Variants in DPT observed in about 807,000 individuals in gnomAD.
The protein encoded by DPT is dermatopontin.
In DPT, 21 loss-of-function variants were observed where a neutral mutation model predicts 31.2. The ratio of observed to expected loss-of-function variants is 0.67; its 90% CI spans 0.48 to 0.97. DPT has a LOEUF of 0.97. Among genes scored for constraint, DPT ranks in the 50% least tolerant of loss-of-function variants. DPT has a pLI of 0.00. For synonymous variants in DPT, 91 were observed against 86.9 expected (o/e 1.05, Z -0.26); for missense variants, 262 against 258.8 (o/e 1.01, Z -0.08).
intron 1 of DPT, among the ~76,000 whole-genome samples, chr1:168,716,451 A>G (rs1649988196): frequency 4.6e-5 from 7 of 152,122 alleles, no homozygotes; most frequent in Admixed American, 1.3e-4. Flanking sequence ...TTAAGGTGTA[A>G]ATTGAGACCT....
chr1:168,716,729 A>G (rs1466821962), intron 1 of DPT, among the ~76,000 whole-genome samples: 1 of 152,058 alleles, frequency 6.6e-6, no homozygotes, highest in Non-Finnish European at 1.5e-5. Context: ...GACTGGTCCC[A>G]GTGTGTGTTG....
chr1:168,712,084 C>A (rs1392401651), intron 2 of DPT, among the ~76,000 whole-genome samples: 1 of 152,232 alleles, frequency 6.6e-6, no homozygotes, highest in Non-Finnish European at 1.5e-5. Flanking sequence ...TAAGAAGACA[C>A]TATGTTCCAA....
At chr1:168,720,338 T>A (rs893216744) in intron 1 of DPT, among the ~76,000 whole-genome samples, 4 of 152,208 alleles carry the variant, frequency 2.6e-5, no homozygotes, top group African/African-American at 4.8e-5. Context: ...GGACTTCTTC[T>A]TGTTGTCTGC....
At chr1:168,724,502 C>T (rs971244522) in intron 1 of DPT, among the ~76,000 whole-genome samples, 1 of 151,990 alleles carries the variant, frequency 6.6e-6, no homozygotes, top group African/African-American at 2.4e-5. Flanking sequence ...AGACAAAGCC[C>T]CTGTGTTCAT....
At chr1:168,702,005 G>A (rs1448613343) in intron 2 of DPT, among the ~76,000 whole-genome samples, 1 of 149,724 alleles carries the variant, frequency 6.7e-6, no homozygotes, top group Non-Finnish European at 1.5e-5. Flanking sequence ...TAAATCCTGA[G>A]CCTTCATATG....
In DPT at chr1:168,696,493, G is replaced by T; in HGVS notation, c.*56C>A. On this transcript the variant is annotated 3_prime_UTR_variant, in exon 4 of 4. Coordinates refer to ENST00000367817, the MANE Select transcript of DPT (RefSeq NM_001937.5). ...GATCCAACTGATGTTAACATATGTGGACACCCTCCTGTCCCCGGCCCCTTT... is the reference window on the plus strand; with the variant it reads ...GATCCAACTGATGTTAACATATGTGTACACCCTCCTGTCCCCGGCCCCTTT... The T allele has an allele frequency of 6.9e-7, 1 of 1,445,258 alleles. No individual in the cohort carries two copies. Among genetic ancestry groups the T allele is most frequent in the Non-Finnish European group, 9.5e-7 (1 of 1,054,840 alleles). The allele number at this position is 1,445,258 out of a possible 1,614,324, so 89.5% of individuals were successfully genotyped here. A position where few individuals can be genotyped will look rare whatever the true frequency, so the allele number is the denominator to read the frequency against.
chr1:168,707,945 C>A (rs1033125341), intron 2 of DPT, among the ~76,000 whole-genome samples: 3 of 152,136 alleles, frequency 2.0e-5, no homozygotes, highest in Non-Finnish European at 4.4e-5. Flanking sequence ...TGGACTAATA[C>A]AACAGTCATC....
chr1:168,706,215 T>G (rs1019777405), intron 2 of DPT, among the ~76,000 whole-genome samples: 1 of 151,878 alleles, frequency 6.6e-6, no homozygotes, highest in Non-Finnish European at 1.5e-5. Context: ...GGTTCAGAGG[T>G]GGGTTTGGAG....
intron 2 of DPT, among the ~76,000 whole-genome samples, chr1:168,711,897 G>C (rs1360514162): frequency 2.0e-5 from 3 of 152,098 alleles, no homozygotes; most frequent in Non-Finnish European, 2.9e-5. Context: ...TTATTTATAG[G>C]GCTTGGCATA....
chr1:168,701,059 T>TA lies in DPT; in HGVS notation c.496dup (p.Tyr166LeufsTer28), dbSNP rs1417508230. The TA allele has an allele frequency of 6.2e-7, 1 of 1,614,006 alleles. No individual in the cohort carries two copies. On this transcript the variant is annotated frameshift_variant, in exon 3 of 4. Transcript: ENST00000367817. LOFTEE classifies it high-confidence loss of function. ...AGTGGTTGTTGCTCCTCGGATATAG[T>TA]AATCATAATTGTAGGAAATCATGTC...
chr1:168,716,343 G>C (rs969654685), intron 1 of DPT, among the ~76,000 whole-genome samples: 1 of 151,852 alleles, frequency 6.6e-6, no homozygotes, highest in East Asian at 1.9e-4. Flanking sequence ...CTCGGTATTC[G>C]GTCAACCATG....
At chr1:168,718,961 A>G (rs1199391501) in intron 1 of DPT, among the ~76,000 whole-genome samples, 3 of 152,196 alleles carry the variant, frequency 2.0e-5, no homozygotes, top group Non-Finnish European at 4.4e-5. Flanking sequence ...ACAAAGCTCA[A>G]TGAGGTTGGA....
chr1:168,720,861 C>G (rs933377652), intron 1 of DPT, among the ~76,000 whole-genome samples: 8 of 152,152 alleles, frequency 5.3e-5, no homozygotes, highest in African/African-American at 1.9e-4. Flanking sequence ...CAGAATAATT[C>G]TTTGAGTTGC....
chr1:168,722,484 T>C (rs185201936), intron 1 of DPT, among the ~76,000 whole-genome samples: 107 of 152,314 alleles, frequency 7.0e-4, no homozygotes, highest in Non-Finnish European at 1.3e-3. Flanking sequence ...TATCAAGGAC[T>C]TGCAATGTGC....
Position 168,711,002 on chromosome 1 carries a change from T to C in DPT, c.431+3219A>G, listed in dbSNP as rs568219051. ...TTTCTTCTGTTTGACAACTTTGCTT[T>C]TTTTTTTCTTCTTCTTCTTTTTTTT... is the stretch of plus-strand genomic sequence containing the variant. On this transcript the variant is annotated intron_variant, in intron 2 of 3. Coordinates refer to ENST00000367817, the MANE Select transcript of DPT (RefSeq NM_001937.5). Among the ~76,000 whole-genome samples, 79 of 151,198 alleles carry C rather than the reference T, an allele frequency of 5.2e-4. No individual in the cohort carries two copies. The South Asian group carries it at 0.016, about 31-fold the overall frequency.
intron 2 of DPT, among the ~76,000 whole-genome samples, chr1:168,713,597 T>C (rs1047410068): frequency 2.6e-5 from 4 of 152,130 alleles, no homozygotes; most frequent in African/African-American, 9.7e-5. Flanking sequence ...AATGACAATA[T>C]ACACATTCTC....
chr1:168,704,924 G>A (rs1267721290), intron 2 of DPT, among the ~76,000 whole-genome samples: 3 of 152,164 alleles, frequency 2.0e-5, no homozygotes, highest in African/African-American at 7.2e-5. Context: ...TGTTTGCTAT[G>A]ATACAATATC....
intron 3 of DPT, among the ~76,000 whole-genome samples, chr1:168,698,460 C>T (rs552011060): frequency 6.6e-6 from 1 of 152,154 alleles, no homozygotes; most frequent in Non-Finnish European, 1.5e-5. Context: ...CACAGATAAA[C>T]AAGATCTTAT....
chr1:168,705,087 T>A (rs1227663316), intron 2 of DPT, among the ~76,000 whole-genome samples: 1 of 152,228 alleles, frequency 6.6e-6, no homozygotes, highest in African/African-American at 2.4e-5. Context: ...TTTTATTCAT[T>A]GTCAGAGGTT....
Sources: gnomAD v4.1 joint callset for allele counts (sites outside exome capture counted in the v4.1 genomes callset) on GRCh38, gnomAD v4.1.1 for gene constraint, MANE v1.5 for transcripts, NCBI Gene and HGNC (gene_info 2026-07-23, HGNC 2026-07-21) for gene names.